Variants in CHODL observed in about 807,000 individuals in gnomAD.
The protein encoded by CHODL is chondrolectin.
A neutral mutation model predicts 34.5 loss-of-function variants in CHODL; 29 were observed. The observed-to-expected ratio is 0.84, with a 90% CI of 0.63 to 1.15. The LOEUF is 1.15. Among genes scored for constraint, CHODL ranks in the 50% most tolerant of loss-of-function variants. CHODL has a pLI of 0.00. For missense variants in CHODL, 332 were observed against 332.5 expected, an observed-to-expected ratio of 1.00 and a Z score of 0.01; for synonymous variants, 125 against 116.1, an observed-to-expected ratio of 1.08 and a Z score of -0.49.
At chr21:17,930,172 C>A (rs892080995) in intron 1 of CHODL, among the ~76,000 whole-genome samples, 1 of 152,190 alleles carries the variant, frequency 6.6e-6, no homozygotes, top group African/African-American at 2.4e-5. Context: ...ACCACTGTTT[C>A]TGTGGGAGGA....
intron 2 of CHODL, among the ~76,000 whole-genome samples, chr21:18,062,442 C>G (rs2064679039): frequency 7.0e-6 from 1 of 142,014 alleles, no homozygotes; most frequent in Non-Finnish European, 1.6e-5. Flanking sequence ...TTCCTGGGCT[C>G]AAGTGATCCT....
At chr21:18,039,371 CT>C (rs1489252543) in intron 2 of CHODL, among the ~76,000 whole-genome samples, 1 of 151,520 alleles carries the variant, frequency 6.6e-6, no homozygotes, top group Non-Finnish European at 1.5e-5. Context: ...GAGTAAAGGC[CT>C]TAAGGTCAAA....
chr21:18,070,009 C>T (rs1460604051), intron 2 of CHODL, among the ~76,000 whole-genome samples: 1 of 76,016 alleles, frequency 1.3e-5, no homozygotes, highest in Non-Finnish European at 3.4e-5. Flanking sequence ...CTTCCCTTCC[C>T]TTCCCTTCCC....
intron 1 of CHODL, among the ~76,000 whole-genome samples, chr21:17,929,127 C>T (rs1015585281): frequency 2.6e-5 from 4 of 152,110 alleles, no homozygotes; most frequent in Non-Finnish European, 5.9e-5. Context: ...TGTGAAAATC[C>T]ATTATAGAAA....
At chr21:18,240,253 T>C (rs137942636), upstream of CHODL, among the ~76,000 whole-genome samples, 293 of 152,054 alleles carry the variant, frequency 1.9e-3, 3 homozygotes, top group Admixed American at 0.011. Context: ...TTAGTGCATA[T>C]ATGCAAATAA....
At chr21:18,189,739 A>G (rs191746077) in intron 2 of CHODL, among the ~76,000 whole-genome samples, 1 of 148,050 alleles carries the variant, frequency 6.8e-6, no homozygotes, top group African/African-American at 2.5e-5. Context: ...GGTTCAAGCG[A>G]TTCTCCTGTC....
At chr21:18,133,994 A>G (rs149258515) in intron 2 of CHODL, among the ~76,000 whole-genome samples, 1 of 152,270 alleles carries the variant, frequency 6.6e-6, no homozygotes, top group Non-Finnish European at 1.5e-5. Context: ...TCAATTACCT[A>G]TCTATCTCTC....
At chr21:18,017,712 G>A (rs1299623455) in intron 1 of CHODL, among the ~76,000 whole-genome samples, 1 of 152,180 alleles carries the variant, frequency 6.6e-6, no homozygotes, top group Non-Finnish European at 1.5e-5. Context: ...GGGGTTGGAG[G>A]CCCCACACAG....
At chr21:18,081,237 G>A (rs1043390966) in intron 2 of CHODL, among the ~76,000 whole-genome samples, 2 of 152,056 alleles carry the variant, frequency 1.3e-5, no homozygotes, top group African/African-American at 4.8e-5. Context: ...TTTTGGTGGA[G>A]TCTCCAGATG....
chr21:18,237,057 A>C (rs112954705), intron 2 of CHODL, among the ~76,000 whole-genome samples: 15 of 152,274 alleles, frequency 9.9e-5, no homozygotes, highest in Middle Eastern at 6.8e-3. Context: ...AAATCAGAGC[A>C]AGAAAATTAT....
At chr21:18,148,281 C>G (rs1478557106) in intron 2 of CHODL, among the ~76,000 whole-genome samples, 1 of 152,070 alleles carries the variant, frequency 6.6e-6, no homozygotes, top group East Asian at 1.9e-4. Context: ...TCTTTGGAAA[C>G]TTAATTAAAA....
rs1335499476 is a variant in CHODL at position 18,110,347 on chromosome 21, C to T, written c.-45+82376C>T. Among the ~76,000 whole-genome samples, 4 of 152,132 alleles carry T rather than the reference C, an allele frequency of 2.6e-5. No individual in the cohort carries two copies. In the East Asian group the frequency reaches 7.7e-4, roughly 29 times the overall value. ...TGAGAGGTGATTCACTTTTCCTTCTCCTTGATTCTGAGTTGGCCCTGGGAC... is the reference window on the plus strand; with the variant it reads ...TGAGAGGTGATTCACTTTTCCTTCTTCTTGATTCTGAGTTGGCCCTGGGAC... On this transcript the variant is annotated intron_variant, in intron 2 of 6. Transcript: ENST00000400127.
intron 2 of CHODL, among the ~76,000 whole-genome samples, chr21:18,129,916 GTGTGTGTGTGTGTCTGTGTGTGTGTA>G (rs2072634174): frequency 6.7e-6 from 1 of 148,926 alleles, no homozygotes. Flanking sequence ...GTGTGTGTGT[GTGTGTGTGTGTGTCTGTGTGTGTGTA>G]TGAGCAATTC....
intron 2 of CHODL, among the ~76,000 whole-genome samples, chr21:18,224,626 A>G (rs1481398588): frequency 6.6e-6 from 1 of 152,160 alleles, no homozygotes; most frequent in Non-Finnish European, 1.5e-5. Context: ...AAATTAGTAT[A>G]GAGCTTATTC....
chr21:18,188,655 C>T (rs2073473866), intron 2 of CHODL, among the ~76,000 whole-genome samples: 1 of 152,128 alleles, frequency 6.6e-6, no homozygotes, highest in Non-Finnish European at 1.5e-5. Flanking sequence ...TCTTGGATCC[C>T]CAAAGAACAC....
chr21:18,149,784 A>G (rs2072941616), intron 2 of CHODL, among the ~76,000 whole-genome samples: 2 of 152,218 alleles, frequency 1.3e-5, no homozygotes, highest in Admixed American at 6.5e-5. Flanking sequence ...GGATGAGTCA[A>G]TGCCTTAGTC....
intron 2 of CHODL, among the ~76,000 whole-genome samples, chr21:18,102,672 C>A (rs191976772): frequency 6.6e-6 from 1 of 152,166 alleles, no homozygotes; most frequent in Non-Finnish European, 1.5e-5. Context: ...TTATAATTGT[C>A]TAACCCTTTA....
At chr21:17,979,820 T>A (rs150471429) in intron 1 of CHODL, among the ~76,000 whole-genome samples, 1 of 152,216 alleles carries the variant, frequency 6.6e-6, no homozygotes, top group Non-Finnish European at 1.5e-5. Flanking sequence ...AAATTAAATG[T>A]CACTTAGGCC....
At chr21:17,932,217 C>G (rs2063279499) in intron 1 of CHODL, among the ~76,000 whole-genome samples, 1 of 152,134 alleles carries the variant, frequency 6.6e-6, no homozygotes. Context: ...CTCAACATTA[C>G]TGATCATCAG....
Sources: allele counts gnomAD v4.1 joint callset (sites outside exome capture counted in the v4.1 genomes callset), GRCh38; gene constraint gnomAD v4.1.1; transcripts MANE v1.5; gene names NCBI Gene and HGNC (gene_info 2026-07-23, HGNC 2026-07-21).